Variants in ACACA observed in about 807,000 individuals in gnomAD.
The protein encoded by ACACA is acetyl-CoA carboxylase 1.
In ACACA, 103 loss-of-function variants were observed where a neutral mutation model predicts 296.1. That is an observed-to-expected ratio of 0.35 (90% CI 0.30 to 0.41). ACACA has a LOEUF of 0.41. Among genes scored for constraint, ACACA ranks in the 10% least tolerant of loss-of-function variants. ACACA has a pLI of 1.00. For synonymous variants in ACACA, 953 were observed against 1,038.6 expected (o/e 0.92, Z 1.58); for missense variants, 1,554 against 2,989.7 (o/e 0.52, Z 11.20).
chr17:37,118,177 G>A (rs950072565), intron 50 of ACACA, among the ~76,000 whole-genome samples: 1 of 152,128 alleles, frequency 6.6e-6, no homozygotes, highest in Non-Finnish European at 1.5e-5. Flanking sequence ...GGTGTAAAAG[G>A]ATGCATCAGC....
chr17:37,115,540 G>C (rs1327648452), intron 50 of ACACA, among the ~76,000 whole-genome samples: 5 of 152,036 alleles, frequency 3.3e-5, no homozygotes, highest in Non-Finnish European at 7.4e-5. Context: ...TGAAGACAAA[G>C]TTTCCAGCTC....
Position 37,393,369 on chromosome 17 carries a change from C to T in ACACA, c.38+12893G>A, listed in dbSNP as rs575287525. On this transcript the variant is annotated intron_variant, in intron 1 of 55. Transcript: ENST00000616317. ...AAATGCCTGCTCTTTCCCAAGACCA[C>T]TGGTGAGGATGATTAAAAGCATTAT... Among the ~76,000 whole-genome samples, 4 of 152,196 alleles carry T rather than the reference C, an allele frequency of 2.6e-5. No individual in the cohort carries two copies. In the South Asian group the frequency reaches 8.3e-4, roughly 32 times the overall value.
chr17:37,376,259 A>G, intron 1 of ACACA: 1 of 912,220 alleles, frequency 1.1e-6, no homozygotes, highest in South Asian at 1.5e-5. Flanking sequence ...AGCAAGCAAT[A>G]CTTTCCAGAG....
At chr17:37,354,081 C>T (rs905693705) in intron 1 of ACACA, among the ~76,000 whole-genome samples, 16 of 152,152 alleles carry the variant, frequency 1.1e-4, no homozygotes, top group Admixed American at 8.5e-4. Flanking sequence ...GCACTCCAGC[C>T]GGGATGACAG....
chr17:37,244,198 T>TA (rs554571885), intron 21 of ACACA, among the ~76,000 whole-genome samples: 273 of 120,472 alleles, frequency 2.3e-3, no homozygotes, highest in Middle Eastern at 8.4e-3. Flanking sequence ...CCACCTCTAC[T>TA]AAAAAAAAAA....
intron 9 of ACACA, among the ~76,000 whole-genome samples, chr17:37,272,716 T>C (rs1423104768): frequency 6.6e-6 from 1 of 151,678 alleles, no homozygotes; most frequent in Non-Finnish European, 1.5e-5. Flanking sequence ...AGCGGGGAGG[T>C]AGAAGGACAA....
intron 51 of ACACA, 151 bp from the exon 52 acceptor site, chr17:37,111,794 A>T (rs1259544334): frequency 1.5e-6 from 1 of 689,616 alleles, no homozygotes; most frequent in African/African-American, 1.8e-5. Context: ...CCCCGGGGAG[A>T]ACAGTAGGCA....
At chr17:37,190,406 C>T (rs930131279) in intron 38 of ACACA, among the ~76,000 whole-genome samples, 3 of 149,842 alleles carry the variant, frequency 2.0e-5, no homozygotes, top group African/African-American at 4.9e-5. Context: ...TCAGCCTGGG[C>T]AACAGAGCGA....
chr17:37,216,151 CACACACAA>C (rs1216402259), intron 29 of ACACA, among the ~76,000 whole-genome samples: 324 of 135,640 alleles, frequency 2.4e-3, no homozygotes, highest in Non-Finnish European at 3.5e-3. Flanking sequence ...CACACACACA[CACACACAA>C]CATACACATG....
chr17:37,312,125 T>A (rs2084179068), intron 3 of ACACA, among the ~76,000 whole-genome samples: 1 of 151,692 alleles, frequency 6.6e-6, no homozygotes, highest in Admixed American at 6.6e-5. Context: ...CAAGGGTAAA[T>A]GGAATTTCAA....
chr17:37,307,207 GA>G (rs1417419631), intron 3 of ACACA, among the ~76,000 whole-genome samples: 2 of 152,128 alleles, frequency 1.3e-5, no homozygotes, highest in Non-Finnish European at 2.9e-5. Flanking sequence ...ATTTCTGATG[GA>G]TAAATGAACT....
chr17:37,130,036 CTCTGCAGG>C, intron 46 of ACACA, 31 bp downstream of exon 46: 1 of 1,613,038 alleles, frequency 6.2e-7, no homozygotes, highest in South Asian at 1.1e-5. Context: ...AAATGACAGG[CTCTGCAGG>C]CCATGTCAGT....
At chr17:37,247,034 T>C in intron 18 of ACACA, 58 bp from the exon 19 acceptor site, 1 of 1,595,036 alleles carries the variant, frequency 6.3e-7, no homozygotes, top group Non-Finnish European at 8.6e-7. Context: ...TAAAGGAGAA[T>C]GGTAGAGAAT....
intron 41 of ACACA, among the ~76,000 whole-genome samples, chr17:37,174,003 TATATA>T (rs2076996966): frequency 3.8e-4 from 5 of 13,210 alleles, no homozygotes; most frequent in African/African-American, 1.9e-3. Context: ...TATATATATA[TATATA>T]TATATATATA....
chr17:37,392,572 T>C (rs754335484), intron 1 of ACACA: 2 of 152,160 alleles, frequency 1.3e-5, no homozygotes, highest in Non-Finnish European at 2.9e-5. Flanking sequence ...GGTGAGGCCC[T>C]GCTTCTTTTC....
chr17:37,216,819 G>C (rs899113322), intron 29 of ACACA, among the ~76,000 whole-genome samples: 1 of 151,070 alleles, frequency 6.6e-6, no homozygotes, highest in African/African-American at 2.4e-5. Flanking sequence ...CAGCAACTAA[G>C]GGATTTTCCT....
At chr17:37,169,524 A>G (rs1319357204) in intron 41 of ACACA, among the ~76,000 whole-genome samples, 1 of 152,188 alleles carries the variant, frequency 6.6e-6, no homozygotes, top group East Asian at 1.9e-4. Flanking sequence ...TTGCTTTGGA[A>G]GAGAGTCATA....
chr17:37,235,020 A>G lies in ACACA; in HGVS notation c.3201T>C (p.Ser1067=). The G allele has an allele frequency of 6.2e-7, 1 of 1,613,952 alleles. No individual in the cohort carries two copies. The highest frequency in any genetic ancestry group is 1.1e-5 in the South Asian group (1 of 91,068). ...DMNTVLNYIF[S]HAQVTKKNLL... ...GATTCTTCTTGGTGACTTGAGCGTG[A>G]GAGAAGATGTAGTTCAGTACAGTGT... The change falls in exon 25 of 56, where the codon TCT becomes TCC. Residue 1067 remains serine, a synonymous_variant. Coordinates refer to ENST00000616317, the MANE Select transcript of ACACA (RefSeq NM_198834.3).
At chr17:37,401,054 C>T (rs947521621) in intron 1 of ACACA, among the ~76,000 whole-genome samples, 3 of 152,102 alleles carry the variant, frequency 2.0e-5, no homozygotes, top group African/African-American at 4.8e-5. Flanking sequence ...ATGCTTATCT[C>T]GCTTTTTGAT....
Sources: gnomAD v4.1 joint callset for allele counts (sites outside exome capture counted in the v4.1 genomes callset) on GRCh38, gnomAD v4.1.1 for gene constraint, MANE v1.5 for transcripts, NCBI Gene and HGNC (gene_info 2026-07-23, HGNC 2026-07-21) for gene names.